SYCE1: variants seen among roughly 807,000 people sequenced by gnomAD.
SYCE1 encodes synaptonemal complex central element protein 1.
A neutral mutation model predicts 55.1 loss-of-function variants in SYCE1; 37 were observed. The observed-to-expected ratio is 0.67, with a 90% CI of 0.52 to 0.88. The LOEUF (loss-of-function observed/expected upper bound fraction) is 0.88. Among genes scored for constraint, SYCE1 ranks in the 40% least tolerant of loss-of-function variants. The pLI is 0.00. For missense variants in SYCE1, 399 were observed against 416.4 expected (o/e 0.96, Z 0.36); for synonymous variants, 163 against 159.4 (o/e 1.02, Z -0.17).
intron 3 of SYCE1, 29 bp from the exon 4 acceptor site, chr10:133,558,980 T>TAA (rs755727320): frequency 8.8e-6 from 14 of 1,598,164 alleles, no homozygotes; most frequent in Non-Finnish European, 1.1e-5. Flanking sequence ...AAACATTGTG[T>TAA]GAGTGCAGCC....
chr10:133,557,430 C>T, intron 6 of SYCE1: 1 of 513,044 alleles, frequency 1.9e-6, no homozygotes, highest in Non-Finnish European at 3.5e-6. Context: ...TCTCAGTGTG[C>T]CAGGGCCTGG....
At chr10:133,554,773 C>T (rs1036951785), downstream of SYCE1, 2 of 1,458,384 alleles carry the variant, frequency 1.4e-6, no homozygotes, top group Non-Finnish European at 1.8e-6. Context: ...GTGAGAGCGT[C>T]TCGGGCCTGC....
chr10:133,557,045 T>C (rs1197790355), intron 7 of SYCE1, 22 bp downstream of exon 7: 2 of 1,610,144 alleles, frequency 1.2e-6, no homozygotes, highest in East Asian at 2.2e-5. Flanking sequence ...CCAAACCCCC[T>C]GCCTCAGATG....
intron 3 of SYCE1, 41 bp from the exon 4 acceptor site, chr10:133,558,992 C>T (rs1851758237): frequency 1.3e-5 from 20 of 1,571,112 alleles, no homozygotes; most frequent in Non-Finnish European, 1.7e-5. Context: ...AGTGCAGCCT[C>T]TATTCTCTTC....
At chr10:133,566,187 G>C (rs931643092), upstream of SYCE1, among the ~76,000 whole-genome samples, 1 of 152,200 alleles carries the variant, frequency 6.6e-6, no homozygotes, top group Non-Finnish European at 1.5e-5. Flanking sequence ...GGAGGGCCCT[G>C]GGAGGAGGGA....
intron 1 of SYCE1, among the ~76,000 whole-genome samples, chr10:133,562,714 T>C (rs752567934): frequency 2.0e-5 from 3 of 151,158 alleles, no homozygotes; most frequent in African/African-American, 7.4e-5. Context: ...CTTAGAAATA[T>C]TTTTTTAATG....
At chr10:133,564,069 T>A (rs1398399988) in intron 1 of SYCE1, among the ~76,000 whole-genome samples, 1 of 150,428 alleles carries the variant, frequency 6.6e-6, no homozygotes, top group African/African-American at 2.4e-5. Flanking sequence ...CTATAGAATG[T>A]TTGTGCCCCC....
In SYCE1 at chr10:133,555,856, A is replaced by C. The variant is rs750198764; in HGVS notation, c.643T>G (p.Ser215Ala). 2 of 1,613,942 alleles carry C rather than the reference A, an allele frequency of 1.2e-6. No individual in the cohort carries two copies. The highest frequency in any genetic ancestry group is 3.3e-5 in the Admixed American group (2 of 60,008). ...TLEDVKHQLCSLCGAEGPSTL... is the reference protein window; with the variant it reads ...TLEDVKHQLCALCGAEGPSTL... ...GAGGGGCCCTCAGCCCCACACAGGG[A>C]GCACAGCTGATGCTTCACGTCTTCC... is the stretch of plus-strand genomic sequence containing the variant. The change falls in exon 10 of 13, where the codon TCC becomes GCC. Residue 215 changes from serine to alanine, a missense_variant. By Grantham distance (99) the Ser-to-Ala change is moderately conservative. Coordinates refer to ENST00000343131, the MANE Select transcript of SYCE1 (RefSeq NM_001143764.3).
At chr10:133,554,126 T>C, downstream of SYCE1, 1 of 533,594 alleles carries the variant, frequency 1.9e-6, no homozygotes, top group African/African-American at 1.9e-5. Flanking sequence ...AACTTCCACT[T>C]GATTTAAAAG....
chr10:133,565,908 G>T (rs986979435), upstream of SYCE1, among the ~76,000 whole-genome samples: 1 of 152,212 alleles, frequency 6.6e-6, no homozygotes, highest in Non-Finnish European at 1.5e-5. Flanking sequence ...CGTGTCTGAC[G>T]GATGACGACT....
chr10:133,566,617 G>A (rs114142127), upstream of SYCE1, among the ~76,000 whole-genome samples: 1,785 of 122,206 alleles, frequency 0.015, no homozygotes, highest in African/African-American at 0.045. Flanking sequence ...TTAGGGTATT[G>A]GGGTTAGGGT....
At chr10:133,559,686 A>C in intron 2 of SYCE1, 1 of 424,658 alleles carries the variant, frequency 2.4e-6, no homozygotes. Context: ...CAGGCCCTGC[A>C]GCAATTTGGG....
At chr10:133,564,988 G>A (rs1304324940) in intron 1 of SYCE1, among the ~76,000 whole-genome samples, 1 of 151,026 alleles carries the variant, frequency 6.6e-6, no homozygotes, top group African/African-American at 2.4e-5. Flanking sequence ...GGGGATCTGC[G>A]TGGAGTCGGC....
intron 11 of SYCE1, 61 bp downstream of exon 11, chr10:133,555,536 G>A: frequency 6.2e-7 from 1 of 1,605,970 alleles, no homozygotes; most frequent in Non-Finnish European, 8.5e-7. Flanking sequence ...GGTGGAGAGA[G>A]GAGATACAAC....
downstream of SYCE1, chr10:133,554,469 C>G (rs1851602709): frequency 2.5e-6 from 2 of 793,526 alleles, no homozygotes; most frequent in Admixed American, 3.8e-5. Context: ...ACATGACTTA[C>G]ATCCTAGTTG....
chr10:133,564,948 T>C (rs920430929), intron 1 of SYCE1, among the ~76,000 whole-genome samples: 141 of 152,144 alleles, frequency 9.3e-4, no homozygotes, highest in Admixed American at 9.0e-3. Flanking sequence ...GGAGCCACTA[T>C]GGCAGGTCGG....
chr10:133,555,582 G>A lies in SYCE1; in HGVS notation c.830+15C>T. The A allele has an allele frequency of 1.9e-6, 3 of 1,602,608 alleles. No homozygotes were observed. The highest frequency in any genetic ancestry group is 2.5e-6 in the Non-Finnish European group (3 of 1,177,810). ...TTCCTGGTGGGGGTTGCGGGGACAG[G>A]GCCTCCACACGCACCTCTGCCGCTT... On this transcript the variant is annotated intron_variant, in intron 11 of 12. Transcript: ENST00000343131.
At position 133,561,265 on chromosome 10, in the gene SYCE1, G is replaced by C. The variant is rs571348546; in HGVS notation, c.74-1112C>G. The C allele has an allele frequency of 3.9e-5, 6 of 152,202 alleles. No homozygotes were observed. In the South Asian group the frequency reaches 1.2e-3, roughly 32 times the overall value. The allele number at this position is 152,202 out of a possible 1,614,324, so 9.4% of individuals were successfully genotyped here. A position where few individuals can be genotyped will look rare whatever the true frequency, so the allele number is the denominator to read the frequency against. On this transcript the variant is annotated intron_variant, in intron 1 of 12. Transcript: ENST00000343131. The stretch of plus-strand genomic sequence containing the variant: ...GTTTCACATTTTGGCAACCACAAAG[G>C]GATTCTGAGTAGAGGTGCCCCTGAC...
At position 133,555,639 on chromosome 10, in the gene SYCE1, T is replaced by G. The variant is rs760991886; in HGVS notation, c.788A>C (p.Gln263Pro). ...LLAAAAQRHQ[Q>P]LQQKCQQQQQ... ...CTGTTGTTGGCACTTCTGCTGCAGC[T>G]GCTGGTGGCGCTGGGCAGCAGCTGC... Residue 263 changes from glutamine (Q) to proline (P), a missense_variant, in exon 11 of 13, where the codon CAG (glutamine) becomes CCG (proline). By Grantham distance (76) the Gln-to-Pro change is moderately conservative (BLOSUM62 -1). Coordinates refer to ENST00000343131, the MANE Select transcript of SYCE1 (RefSeq NM_001143764.3). 3 of 1,605,864 alleles carry G rather than the reference T, an allele frequency of 1.9e-6. No homozygotes were observed. In the South Asian group the frequency reaches 3.3e-5, roughly 18 times the overall value.
Sources: allele counts gnomAD v4.1 joint callset (sites outside exome capture counted in the v4.1 genomes callset), GRCh38; gene constraint gnomAD v4.1.1; transcripts MANE v1.5; gene names NCBI Gene and HGNC (gene_info 2026-07-23, HGNC 2026-07-21).